Variants in NELL1 observed in about 807,000 individuals in gnomAD.
The protein encoded by NELL1 is neural EGFL like 1.
A neutral mutation model predicts 107.4 loss-of-function variants in NELL1; 76 were observed. That is an observed-to-expected ratio of 0.71 (90% confidence interval 0.59 to 0.86). The LOEUF (loss-of-function observed/expected upper bound fraction) is 0.86, where lower values mean the gene tolerates loss of function less well. Among genes scored for constraint, NELL1 ranks in the 40% least tolerant of loss-of-function variants. The pLI is 0.00. For synonymous variants in NELL1, 353 were observed against 341.2 expected (o/e 1.03, Z -0.38); for missense variants, 1,024 against 1,005.5 (o/e 1.02, Z -0.25).
At chr11:21,076,879 C>T (rs1590613632) in intron 12 of NELL1, among the ~76,000 whole-genome samples, 1 of 152,094 alleles carries the variant, frequency 6.6e-6, no homozygotes, top group Non-Finnish European at 1.5e-5. Flanking sequence ...CACGCTGAAT[C>T]CCCTTCCCCT....
chr11:21,150,205 G>A (rs1484651654), intron 13 of NELL1, among the ~76,000 whole-genome samples: 1 of 152,128 alleles, frequency 6.6e-6, no homozygotes, highest in Non-Finnish European at 1.5e-5. Flanking sequence ...CTTGTGGTCA[G>A]CACATGTGGG....
chr11:21,437,485 G>C (rs1853152029), intron 15 of NELL1, among the ~76,000 whole-genome samples: 1 of 152,046 alleles, frequency 6.6e-6, no homozygotes, highest in Non-Finnish European at 1.5e-5. Context: ...TCAGCCTCTT[G>C]AGTAGCTGGA....
chr11:21,119,262 C>T (rs1039773245), intron 13 of NELL1, among the ~76,000 whole-genome samples: 58 of 151,808 alleles, frequency 3.8e-4, no homozygotes, highest in African/African-American at 1.4e-3. Flanking sequence ...GTGCTGACAG[C>T]CATGGTCCTT....
intron 2 of NELL1, among the ~76,000 whole-genome samples, chr11:20,775,112 T>C (rs1856724080): frequency 1.3e-5 from 2 of 152,224 alleles, no homozygotes; most frequent in South Asian, 4.1e-4. Flanking sequence ...CATTGTAGTT[T>C]TTTTTCTTAC....
intron 5 of NELL1, among the ~76,000 whole-genome samples, chr11:20,893,416 A>C (rs1849660087): frequency 6.6e-6 from 1 of 151,688 alleles, no homozygotes; most frequent in Admixed American, 6.6e-5. Flanking sequence ...AAAATTAAAA[A>C]AATATTGACA....
At chr11:21,275,870 T>C (rs572660077) in intron 14 of NELL1, among the ~76,000 whole-genome samples, 2 of 152,288 alleles carry the variant, frequency 1.3e-5, no homozygotes, top group African/African-American at 2.4e-5. Flanking sequence ...CTAGAAACTC[T>C]CAATAAATTA....
At chr11:21,185,844 G>T (rs1856924485) in intron 13 of NELL1, among the ~76,000 whole-genome samples, 1 of 151,756 alleles carries the variant, frequency 6.6e-6, no homozygotes, top group African/African-American at 2.4e-5. Context: ...GGCCTTTGAT[G>T]AGTATTTCTT....
intron 2 of NELL1, among the ~76,000 whole-genome samples, chr11:20,712,695 T>A (rs758939979): frequency 2.0e-5 from 3 of 152,238 alleles, no homozygotes; most frequent in Non-Finnish European, 2.9e-5. Flanking sequence ...TCTCCCACTT[T>A]CACTACGGAT....
chr11:20,820,615 T>C (rs1857728200), intron 3 of NELL1, among the ~76,000 whole-genome samples: 2 of 152,146 alleles, frequency 1.3e-5, no homozygotes, highest in Admixed American at 1.3e-4. Flanking sequence ...CTGCCCCTAC[T>C]ACATTGTCAC....
At chr11:21,422,202 C>T (rs1415583297) in intron 15 of NELL1, among the ~76,000 whole-genome samples, 1 of 151,938 alleles carries the variant, frequency 6.6e-6, no homozygotes, top group Non-Finnish European at 1.5e-5. Context: ...CTAGACCTAC[C>T]CTGCCCTGCA....
intron 3 of NELL1, among the ~76,000 whole-genome samples, chr11:20,834,433 C>G (rs541075776): frequency 6.6e-6 from 1 of 152,068 alleles, no homozygotes; most frequent in Admixed American, 6.6e-5. Context: ...GTTGGTTATG[C>G]AAGTAAGCAG....
chr11:21,197,195 A>G (rs2924597), intron 13 of NELL1, among the ~76,000 whole-genome samples: 1 of 147,154 alleles, frequency 6.8e-6, no homozygotes, highest in Admixed American at 6.7e-5. Flanking sequence ...TTAATTCTTA[A>G]GCCAGTCTTT....
chr11:20,845,587 T>C (rs1231915486), intron 3 of NELL1, among the ~76,000 whole-genome samples: 1 of 152,224 alleles, frequency 6.6e-6, no homozygotes, highest in Non-Finnish European at 1.5e-5. Context: ...TGCATTTCTA[T>C]ACAGGTGCTA....
chr11:21,191,225 C>T (rs770525670), intron 13 of NELL1, among the ~76,000 whole-genome samples: 5 of 151,636 alleles, frequency 3.3e-5, no homozygotes, highest in Non-Finnish European at 5.9e-5. Flanking sequence ...TCCTGGATTT[C>T]TGGGTGGGAT....
At chr11:21,561,163 A>G (rs7482757) in intron 17 of NELL1, among the ~76,000 whole-genome samples, 115,602 of 151,958 alleles carry the variant, frequency 0.76, 44,444 homozygotes, top group Non-Finnish European at 0.82. Flanking sequence ...CTTGAGCTTT[A>G]TGTGCATGGG....
intron 15 of NELL1, among the ~76,000 whole-genome samples, chr11:21,494,287 G>A (rs573393674): frequency 6.6e-5 from 10 of 151,720 alleles, no homozygotes; most frequent in Non-Finnish European, 1.3e-4. Context: ...CACTTGTAAC[G>A]CATAAACACA....
chr11:21,087,092 G>A (rs1854412791), intron 12 of NELL1, among the ~76,000 whole-genome samples: 1 of 152,160 alleles, frequency 6.6e-6, no homozygotes, highest in South Asian at 2.1e-4. Flanking sequence ...GCACGCCTCG[G>A]CCGCCCAAAG....
At chr11:21,370,587 T>TA (rs1851334878) in intron 14 of NELL1, among the ~76,000 whole-genome samples, 1 of 152,114 alleles carries the variant, frequency 6.6e-6, no homozygotes, top group Admixed American at 6.6e-5. Flanking sequence ...GAGTAAAAGT[T>TA]ATAGCGGTTA....
intron 3 of NELL1, among the ~76,000 whole-genome samples, chr11:20,844,427 G>A (rs1311874535): frequency 6.6e-6 from 1 of 152,164 alleles, no homozygotes; most frequent in Non-Finnish European, 1.5e-5. Flanking sequence ...TGAGGTCCAA[G>A]GCTAAGGGCT....
Sources: gnomAD v4.1 joint callset for allele counts (sites outside exome capture counted in the v4.1 genomes callset) on GRCh38, gnomAD v4.1.1 for gene constraint, MANE v1.5 for transcripts, NCBI Gene and HGNC (gene_info 2026-07-23, HGNC 2026-07-21) for gene names.